Variants in AUTS2 observed in about 807,000 individuals in gnomAD.
The protein encoded by AUTS2 is autism susceptibility gene 2 protein.
In AUTS2, 17 loss-of-function variants were observed where a neutral mutation model predicts 112.4. The ratio of observed to expected loss-of-function variants is 0.15; its 90% CI spans 0.10 to 0.23. The LOEUF is 0.23. Among genes scored for constraint, AUTS2 ranks in the 10% least tolerant of loss-of-function variants. The pLI is 1.00. For missense variants in AUTS2, 1,510 were observed against 1,701.6 expected (o/e 0.89, Z 1.98); for synonymous variants, 751 against 702.7 (o/e 1.07, Z -1.09).
At chr7:69,764,426 G>A (rs1211005692) in intron 1 of AUTS2, among the ~76,000 whole-genome samples, 1 of 151,862 alleles carries the variant, frequency 6.6e-6, no homozygotes, top group African/African-American at 2.4e-5. Flanking sequence ...GTTGCGGGCA[G>A]GGGCGCAGGT....
intron 2 of AUTS2, among the ~76,000 whole-genome samples, chr7:70,031,080 C>A (rs533753171): frequency 7.9e-5 from 12 of 152,198 alleles, no homozygotes; most frequent in Non-Finnish European, 1.2e-4. Flanking sequence ...GGAAAAGAGA[C>A]CATTAACATG....
In AUTS2 at chr7:69,858,845, G is replaced by A. The variant is rs185377641; in HGVS notation, c.310-40441G>A. Among the ~76,000 whole-genome samples the A allele has an allele frequency of 4.8e-3, 724 of 152,332 alleles. 2 individuals carry two copies. Among genetic ancestry groups the A allele is most frequent in the Admixed American group, 6.9e-3 (106 of 15,306 alleles). ...TTGCTAGGTATGTACTGTAAGGCCC[G>A]TGTGGCCAGAGACTGAGTCTTGGAT... On this transcript the variant is annotated intron_variant, in intron 1 of 18. Transcript: ENST00000342771.
chr7:69,934,300 C>T (rs1562978344), intron 2 of AUTS2, among the ~76,000 whole-genome samples: 4 of 152,068 alleles, frequency 2.6e-5, no homozygotes, highest in Admixed American at 1.3e-4. Flanking sequence ...GTAGAAAGAG[C>T]GAGATCTCAT....
At chr7:70,736,737 C>T (rs1375462314) in intron 6 of AUTS2, among the ~76,000 whole-genome samples, 1 of 152,200 alleles carries the variant, frequency 6.6e-6, no homozygotes, top group African/African-American at 2.4e-5. Context: ...GTGCTGTTCA[C>T]TGCATTCCTA....
Position 69,600,952 on chromosome 7 carries a change from A to G in AUTS2, c.309+990A>G, listed in dbSNP as rs528501711. Among the ~76,000 whole-genome samples, 3 of 146,798 alleles carry G rather than the reference A, an allele frequency of 2.0e-5. No homozygotes were observed. In the East Asian group the frequency reaches 6.1e-4, roughly 30 times the overall value. On this transcript the variant is annotated intron_variant, in intron 1 of 18. Transcript: ENST00000342771. The stretch of plus-strand genomic sequence containing the variant: ...CTGCAGCGTTGATTTTCAAATGCAC[A>G]TTTTCCTTCCAGCCAACTGGCTCCT...
At chr7:69,870,213 T>C (rs993699436) in intron 1 of AUTS2, among the ~76,000 whole-genome samples, 3 of 151,896 alleles carry the variant, frequency 2.0e-5, no homozygotes, top group African/African-American at 7.2e-5. Context: ...TTTTACTTTC[T>C]TTCCTCATAG....
chr7:70,193,153 TGTACTATTTCTGTG>T (rs1244971355), intron 4 of AUTS2, among the ~76,000 whole-genome samples: 2 of 152,180 alleles, frequency 1.3e-5, no homozygotes, highest in Non-Finnish European at 2.9e-5. Context: ...GAGGTTCTGT[TGTACTATTTCTGTG>T]GTCCTTGAAC....
chr7:70,598,142 T>C (rs1038962848), intron 5 of AUTS2, among the ~76,000 whole-genome samples: 39 of 152,160 alleles, frequency 2.6e-4, no homozygotes, highest in African/African-American at 8.7e-4. Flanking sequence ...CCCTTCCAGG[T>C]GCTTTGCAGG....
intron 5 of AUTS2, among the ~76,000 whole-genome samples, chr7:70,449,690 A>G (rs1796452667): frequency 6.6e-6 from 1 of 152,210 alleles, no homozygotes; most frequent in African/African-American, 2.4e-5. Flanking sequence ...ATGGATACGT[A>G]TTTACAATTA....
At chr7:70,697,561 C>CCA (rs979968082) in intron 5 of AUTS2, among the ~76,000 whole-genome samples, 1 of 11,712 alleles carries the variant, frequency 8.5e-5, no homozygotes, top group African/African-American at 2.4e-4. Context: ...CTTCAGAATT[C>CCA]CCCCCCCCCA....
intron 4 of AUTS2, among the ~76,000 whole-genome samples, chr7:70,225,942 A>T (rs1014223406): frequency 3.3e-5 from 5 of 152,158 alleles, no homozygotes. Flanking sequence ...CAGTATTAAA[A>T]ATCCATCTCC....
intron 5 of AUTS2, among the ~76,000 whole-genome samples, chr7:70,612,833 A>G (rs545213557): frequency 4.6e-5 from 7 of 152,170 alleles, no homozygotes; most frequent in African/African-American, 7.2e-5. Flanking sequence ...AAGAACAGGA[A>G]CTAAAGGAAC....
intron 1 of AUTS2, among the ~76,000 whole-genome samples, chr7:69,785,114 CA>C (rs1789310900): frequency 6.6e-6 from 1 of 152,022 alleles, no homozygotes; most frequent in Non-Finnish European, 1.5e-5. Context: ...AATGACTATA[CA>C]ATACATAAAT....
At chr7:70,629,105 T>C (rs946669922) in intron 5 of AUTS2, among the ~76,000 whole-genome samples, 1 of 152,106 alleles carries the variant, frequency 6.6e-6, no homozygotes, top group African/African-American at 2.4e-5. Context: ...CACTTGGAGA[T>C]GGAAACCACC....
At chr7:69,890,401 T>C (rs1794469398) in intron 1 of AUTS2, among the ~76,000 whole-genome samples, 1 of 152,210 alleles carries the variant, frequency 6.6e-6, no homozygotes, top group African/African-American at 2.4e-5. Flanking sequence ...GCCTTTTATA[T>C]GTTGAATTTA....
intron 1 of AUTS2, among the ~76,000 whole-genome samples, chr7:69,729,172 C>T (rs968099886): frequency 1.3e-5 from 2 of 151,902 alleles, no homozygotes; most frequent in Non-Finnish European, 1.5e-5. Flanking sequence ...CAACTTTAAA[C>T]TCATTTATAG....
intron 1 of AUTS2, among the ~76,000 whole-genome samples, chr7:69,729,719 C>A (rs1372105337): frequency 1.3e-5 from 2 of 152,178 alleles, no homozygotes; most frequent in East Asian, 3.9e-4. Context: ...AGAATAGTCA[C>A]AAGGTGCATT....
intron 4 of AUTS2, among the ~76,000 whole-genome samples, chr7:70,374,573 T>C (rs1792998810): frequency 6.6e-6 from 1 of 152,192 alleles, no homozygotes; most frequent in Non-Finnish European, 1.5e-5. Context: ...GGAAAATAAG[T>C]GTTTAGGCAG....
intron 1 of AUTS2, among the ~76,000 whole-genome samples, chr7:69,739,122 CA>C (rs1562849366): frequency 6.6e-6 from 1 of 152,046 alleles, no homozygotes; most frequent in Non-Finnish European, 1.5e-5. Flanking sequence ...AACCAATCTT[CA>C]GGGGGTGGGA....
Sources: gnomAD v4.1 joint callset for allele counts (sites outside exome capture counted in the v4.1 genomes callset) on GRCh38, gnomAD v4.1.1 for gene constraint, MANE v1.5 for transcripts, NCBI Gene and HGNC (gene_info 2026-07-23, HGNC 2026-07-21) for gene names.